SYN2: variants seen among roughly 807,000 people sequenced by gnomAD.
The protein encoded by SYN2 is synapsin-2.
SYN2 carries 19 observed loss-of-function variants against 50.9 expected under a neutral mutation model. The ratio of observed to expected loss-of-function variants is 0.37; its 90% CI spans 0.26 to 0.55. The LOEUF is 0.55. SYN2 is among the 20% of genes least tolerant of loss of function. SYN2 has a pLI of 0.81. For missense variants in SYN2, 587 were observed against 576.4 expected, an observed-to-expected ratio of 1.02 and a Z score of -0.19; for synonymous variants, 255 against 224.9, an observed-to-expected ratio of 1.13 and a Z score of -1.20.
rs1694584946 is a variant in SYN2, at chr3:12,040,391, A to G, written c.377+35463A>G. 2.0e-5 allele frequency among the ~76,000 whole-genome samples: 3 copies of G among 148,572 alleles called. No individual in the cohort carries two copies. In the South Asian group the frequency reaches 6.4e-4, roughly 32 times the overall value. On this transcript the variant is annotated intron_variant, in intron 1 of 12. Transcript: ENST00000621198. ...GGAAGCCAGAGTGAGGCAGGAGGGT[A>G]TTGGTAGACAGCATCAACGGTATTG...
At chr3:12,062,946 T>A (rs1695145280) in intron 1 of SYN2, among the ~76,000 whole-genome samples, 1 of 152,050 alleles carries the variant, frequency 6.6e-6, no homozygotes. Flanking sequence ...GGATGAATCT[T>A]AAATGCATAT....
intron 1 of SYN2, among the ~76,000 whole-genome samples, chr3:12,012,223 C>A (rs1036303270): frequency 1.1e-4 from 16 of 151,940 alleles, no homozygotes; most frequent in African/African-American, 3.4e-4. Context: ...TAATTAGGGG[C>A]AGAACCACAT....
chr3:12,174,009 T>C (rs1697999111), intron 10 of SYN2, among the ~76,000 whole-genome samples: 1 of 152,194 alleles, frequency 6.6e-6, no homozygotes, highest in African/African-American at 2.4e-5. Context: ...TACTCCCTCC[T>C]CTAAACACTA....
chr3:12,070,552 CGG>C (rs1695329160), intron 1 of SYN2: 1 of 1,090,376 alleles, frequency 9.2e-7, no homozygotes, highest in Admixed American at 1.8e-5. Context: ...GTGCTGCTGA[CGG>C]AGGCCCTTGT....
chr3:12,090,400 G>T (rs1012741181), intron 1 of SYN2, among the ~76,000 whole-genome samples: 10 of 152,128 alleles, frequency 6.6e-5, no homozygotes, highest in African/African-American at 2.4e-4. Context: ...ATGTAACTTA[G>T]AGTAGCCCCC....
Position 12,050,828 on chromosome 3 carries a change from C to T in SYN2, c.377+45900C>T, listed in dbSNP as rs985544993. ...TCGGCTCACTGCAAGCTCCGCTTCC[C>T]GGGTTCACGCCATTCTCCTGCCTCA... On this transcript the variant is annotated intron_variant, in intron 1 of 12. Coordinates refer to ENST00000621198, the MANE Select transcript of SYN2 (RefSeq NM_133625.6). 9.1e-5 allele frequency among the ~76,000 whole-genome samples: 13 copies of T among 142,496 alleles called. No homozygotes were observed. The South Asian group carries it at 1.4e-3, about 15-fold the overall frequency. 93.5% of individuals were successfully genotyped at this position (142,496 alleles called of 152,430 possible).
Position 12,145,674 on chromosome 3 carries a change from A to G in SYN2, c.528-5A>G, listed in dbSNP as rs1195225443. On this transcript the variant is annotated splice_region_variant and splice_polypyrimidine_tract_variant and intron_variant, in intron 3 of 12. Transcript: ENST00000621198. ...ATGGCAAACCTGCCTCTACCTTCTC[A>G]CCAGGTCCTTCCGGCCAGACTTCGT... 1.9e-6 allele frequency: 3 copies of G among 1,613,786 alleles called. No homozygotes were observed. In the South Asian group the frequency reaches 3.3e-5, roughly 18 times the overall value.
chr3:12,101,209 TTAGTC>T (rs1400940331), intron 1 of SYN2, among the ~76,000 whole-genome samples: 7 of 152,272 alleles, frequency 4.6e-5, no homozygotes, highest in Non-Finnish European at 5.9e-5. Flanking sequence ...ATGGTTCATA[TTAGTC>T]TAAAGTGGAA....
chr3:12,149,868 G>C lies in SYN2; in HGVS notation c.685-1369G>C, dbSNP rs575429347. On this transcript the variant is annotated intron_variant, in intron 4 of 12. Coordinates refer to ENST00000621198, the MANE Select transcript of SYN2 (RefSeq NM_133625.6). The stretch of plus-strand genomic sequence containing the variant: ...TACAGTTTGATAGCAGAGTTTGGGA[G>C]GAAATATAATAAAGAGATATTCTTT... Among the ~76,000 whole-genome samples the C allele has an allele frequency of 2.1e-4, 32 of 152,248 alleles. 1 individual carries two copies. The highest frequency in any genetic ancestry group is 7.5e-4 in the African/African-American group (31 of 41,542).
At chr3:12,031,356 G>A (rs1694378890) in intron 1 of SYN2, among the ~76,000 whole-genome samples, 1 of 141,440 alleles carries the variant, frequency 7.1e-6, no homozygotes, top group Non-Finnish European at 1.6e-5. Context: ...TGTATATTCT[G>A]TTGATTTGGG....
At chr3:12,024,820 G>T (rs947586672) in intron 1 of SYN2, among the ~76,000 whole-genome samples, 1 of 152,102 alleles carries the variant, frequency 6.6e-6, no homozygotes, top group South Asian at 2.1e-4. Flanking sequence ...CATTTGCTGG[G>T]TTATAGGGCA....
chr3:12,127,046 A>G (rs1696685456), intron 1 of SYN2, among the ~76,000 whole-genome samples: 1 of 152,212 alleles, frequency 6.6e-6, no homozygotes, highest in African/African-American at 2.4e-5. Flanking sequence ...TAGAATTACA[A>G]TATTTTGAAA....
rs777130919 is a variant in SYN2, at chr3:12,004,618, A to C, written c.67A>C (p.Met23Leu). 5 of 612,166 alleles carry C rather than the reference A, an allele frequency of 8.2e-6. No homozygotes were observed. Among genetic ancestry groups the C allele is most frequent in the Non-Finnish European group, 1.5e-5 (5 of 327,396 alleles). The allele number at this position is 612,166 out of a possible 1,614,324, so 37.9% of individuals were successfully genotyped here. A position where few individuals can be genotyped will look rare whatever the true frequency, so the allele number is the denominator to read the frequency against. The change falls in exon 1 of 13, where the codon ATG becomes CTG. Residue 23 changes from methionine to leucine, a missense_variant. By Grantham distance (15) the Met-to-Leu change is conservative. Transcript: ENST00000621198. ...CATCGCCAACCTGCCCAACGGCTAC[A>C]TGACCGACCTGCAGCGGCCCGAGCC... is the stretch of plus-strand genomic sequence containing the variant. Reference protein sequence around the residue: ...SFIANLPNGYMTDLQRPEPQQ... With the variant: ...SFIANLPNGYLTDLQRPEPQQ...
At chr3:12,007,974 C>T (rs1439108144) in intron 1 of SYN2, among the ~76,000 whole-genome samples, 5 of 152,134 alleles carry the variant, frequency 3.3e-5, no homozygotes, top group African/African-American at 1.2e-4. Flanking sequence ...TGAAATCAAG[C>T]TCTTTATATA....
At chr3:12,036,639 G>A (rs1390672110) in intron 1 of SYN2, among the ~76,000 whole-genome samples, 1 of 152,098 alleles carries the variant, frequency 6.6e-6, no homozygotes, top group Non-Finnish European at 1.5e-5. Flanking sequence ...GTGATGGGAG[G>A]GTGAAAATCT....
At chr3:12,164,597 A>C (rs556690123) in intron 7 of SYN2, among the ~76,000 whole-genome samples, 2 of 152,274 alleles carry the variant, frequency 1.3e-5, no homozygotes, top group Admixed American at 1.3e-4. Context: ...CTTTGGTGTG[A>C]AGAAGGTACC....
At chr3:12,026,956 T>C (rs186281) in intron 1 of SYN2, among the ~76,000 whole-genome samples, 97,595 of 152,048 alleles carry the variant, frequency 0.64, 33,858 homozygotes, top group South Asian at 0.78. Context: ...ACTTGGGGTT[T>C]ACACTAATTT....
At chr3:12,071,993 G>C (rs959980563) in intron 1 of SYN2, among the ~76,000 whole-genome samples, 1 of 152,030 alleles carries the variant, frequency 6.6e-6, no homozygotes, top group African/African-American at 2.4e-5. Flanking sequence ...ATTCTTCAAA[G>C]AGATGACAAC....
intron 1 of SYN2, among the ~76,000 whole-genome samples, chr3:12,137,791 C>A (rs1696928075): frequency 6.6e-6 from 1 of 152,092 alleles, no homozygotes; most frequent in African/African-American, 2.4e-5. Context: ...TTTTTCCCCT[C>A]CACTGGAAGT....
Sources: allele counts gnomAD v4.1 joint callset (sites outside exome capture counted in the v4.1 genomes callset), GRCh38; gene constraint gnomAD v4.1.1; transcripts MANE v1.5; gene names NCBI Gene and HGNC (gene_info 2026-07-23, HGNC 2026-07-21).